BAIAP2L1: variants seen among roughly 807,000 people sequenced by gnomAD.
BAIAP2L1 encodes the protein BAR/IMD domain-containing adapter protein 2-like 1.
In BAIAP2L1, 35 loss-of-function variants were observed where a neutral mutation model predicts 66.3. That is an observed-to-expected ratio of 0.53 (90% CI 0.40 to 0.70). The LOEUF (loss-of-function observed/expected upper bound fraction) is 0.70. Among genes scored for constraint, BAIAP2L1 ranks in the 30% least tolerant of loss-of-function variants. The probability of loss-of-function intolerance (pLI) is 0.00; values close to 1 mark genes in which losing one functional copy is unlikely to be tolerated. For missense variants in BAIAP2L1, 622 were observed against 656.9 expected, an observed-to-expected ratio of 0.95 and a Z score of 0.58; for synonymous variants, 269 against 248.7, an observed-to-expected ratio of 1.08 and a Z score of -0.77.
chr7:98,334,121 G>T (rs1338759413), intron 3 of BAIAP2L1, among the ~76,000 whole-genome samples: 2 of 152,064 alleles, frequency 1.3e-5, no homozygotes, highest in Admixed American at 6.6e-5. Flanking sequence ...TGAGAAATTA[G>T]GCAGAAGAAT....
intron 3 of BAIAP2L1, among the ~76,000 whole-genome samples, chr7:98,351,816 C>T (rs913152401): frequency 3.9e-5 from 6 of 152,064 alleles, no homozygotes; most frequent in African/African-American, 1.4e-4. Flanking sequence ...GTGAGTGAGC[C>T]GATGCCAGGA....
At chr7:98,326,826 G>A (rs1404553364) in intron 3 of BAIAP2L1, among the ~76,000 whole-genome samples, 2 of 151,948 alleles carry the variant, frequency 1.3e-5, no homozygotes, top group South Asian at 2.1e-4. Context: ...AGAGAGGTTT[G>A]TATGGTCTGA....
intron 3 of BAIAP2L1, among the ~76,000 whole-genome samples, chr7:98,348,902 G>A (rs190587367): frequency 2.2e-4 from 34 of 152,360 alleles, no homozygotes; most frequent in Admixed American, 4.6e-4. Context: ...GCATCTCTTA[G>A]GTGCCAGGTG....
chr7:98,385,579 T>A (rs1027544313), intron 1 of BAIAP2L1, among the ~76,000 whole-genome samples: 1 of 151,622 alleles, frequency 6.6e-6, no homozygotes, highest in Non-Finnish European at 1.5e-5. Context: ...GCCCAGTTAA[T>A]TTTTTTGTTT....
At chr7:98,376,908 A>G (rs1296624286) in intron 1 of BAIAP2L1, among the ~76,000 whole-genome samples, 3 of 151,742 alleles carry the variant, frequency 2.0e-5, no homozygotes, top group Admixed American at 6.6e-5. Flanking sequence ...TATTTTGTAG[A>G]TATGGTCAAC....
At chr7:98,385,740 G>GT (rs199820184) in intron 1 of BAIAP2L1, 28,529 of 837,330 alleles carry the variant, frequency 0.034, 201 homozygotes, top group African/African-American at 0.11. Flanking sequence ...TTTTTTTGTT[G>GT]TTTTTTTTTT....
chr7:98,300,855 C>T (rs948360292), intron 12 of BAIAP2L1, among the ~76,000 whole-genome samples: 1 of 152,172 alleles, frequency 6.6e-6, no homozygotes, highest in African/African-American at 2.4e-5. Flanking sequence ...CCCAAGTCAC[C>T]GCAACGCCCA....
chr7:98,310,319 G>GT, intron 9 of BAIAP2L1, 126 bp downstream of exon 9: 4 of 1,043,004 alleles, frequency 3.8e-6, no homozygotes, highest in South Asian at 1.6e-5. Flanking sequence ...AGGGCTGAAT[G>GT]TATCTACCAT....
At chr7:98,367,559 G>A (rs1158788842) in intron 1 of BAIAP2L1, among the ~76,000 whole-genome samples, 7 of 126,444 alleles carry the variant, frequency 5.5e-5, no homozygotes, top group Non-Finnish European at 1.2e-4. Context: ...TTTGTGAGAC[G>A]GAGTCTCGCT....
At chr7:98,346,237 G>A (rs1430627486) in intron 3 of BAIAP2L1, among the ~76,000 whole-genome samples, 1 of 152,098 alleles carries the variant, frequency 6.6e-6, no homozygotes, top group Admixed American at 6.6e-5. Context: ...CAATTCAATG[G>A]AACCAGCAGT....
rs750620857 is a variant in BAIAP2L1 at position 98,293,239 on chromosome 7, A to G, written c.*282T>C. ...TAAGGAAAAAATTCATTTAAAAAAT[A>G]CAGTAAAGATTGAAACCAAGTTTAC... On this transcript the variant is annotated 3_prime_UTR_variant, in exon 14 of 14. Transcript: ENST00000005260. 5.6e-6 allele frequency: 2 copies of G among 357,708 alleles called. No homozygotes were observed. Among genetic ancestry groups the G allele is most frequent in the Non-Finnish European group, 1.0e-5 (2 of 198,250 alleles). The allele number at this position is 357,708 out of a possible 1,614,324, so 22.2% of individuals were successfully genotyped here.
chr7:98,307,777 G>A lies in BAIAP2L1; in HGVS notation c.1075C>T (p.Leu359Phe), dbSNP rs1800715944. ...PHTAGSNKTLLSFAQGDVITL... is the reference protein window; with the variant it reads ...PHTAGSNKTLFSFAQGDVITL... ...ATGACATCTCCCTGTGCAAAGCTGA[G>A]TAAGGTCTTGTTGGAGCCCGCAGTG... Residue 359 changes from leucine to phenylalanine, a missense_variant, in exon 10 of 14, where the codon CTC becomes TTC. Coordinates refer to ENST00000005260, the MANE Select transcript of BAIAP2L1 (RefSeq NM_018842.5). 6.2e-7 allele frequency: 1 copy of A among 1,614,260 alleles called. No individual in the cohort carries two copies. Among genetic ancestry groups the A allele is most frequent in the Non-Finnish European group, 8.5e-7 (1 of 1,180,046 alleles).
At chr7:98,392,016 A>G (rs1803056933) in intron 1 of BAIAP2L1, among the ~76,000 whole-genome samples, 1 of 152,020 alleles carries the variant, frequency 6.6e-6, no homozygotes, top group South Asian at 2.1e-4. Flanking sequence ...TCTATGTGTT[A>G]TTAAAAAGGA....
intron 1 of BAIAP2L1, among the ~76,000 whole-genome samples, chr7:98,396,661 G>A (rs750483995): frequency 4.6e-5 from 7 of 152,104 alleles, no homozygotes; most frequent in Non-Finnish European, 1.0e-4. Context: ...CAGGCGTGGC[G>A]GCTGTAGTCC....
At chr7:98,343,871 G>C (rs1029290078) in intron 3 of BAIAP2L1, among the ~76,000 whole-genome samples, 2 of 152,160 alleles carry the variant, frequency 1.3e-5, no homozygotes, top group Non-Finnish European at 2.9e-5. Flanking sequence ...GAACAAATGG[G>C]CACAGCTGTG....
intron 3 of BAIAP2L1, among the ~76,000 whole-genome samples, chr7:98,326,497 T>C (rs1446792038): frequency 1.3e-5 from 2 of 152,168 alleles, no homozygotes; most frequent in Admixed American, 6.5e-5. Flanking sequence ...CTAGCGGGTA[T>C]GCCACAAGAG....
chr7:98,304,235 G>A lies in BAIAP2L1; in HGVS notation c.1383C>T (p.Thr461=), dbSNP rs1800543028. 1 of 1,612,566 alleles carries A rather than the reference G, an allele frequency of 6.2e-7. No individual in the cohort carries two copies. Among genetic ancestry groups the A allele is most frequent in the East Asian group, 2.2e-5 (1 of 44,808 alleles). ...RRADSARTTS[T]FKAPASKPET... Reference sequence around the variant, plus strand: ...CGGGCTTGGACGCTGGGGCCTTAAAGGTGGATGTCGTCCTGGCCGAATCTG... The same window carrying A: ...CGGGCTTGGACGCTGGGGCCTTAAAAGTGGATGTCGTCCTGGCCGAATCTG... The change falls in exon 12 of 14, where the codon ACC becomes ACT. Residue 461 remains threonine (T), a synonymous_variant. Coordinates refer to ENST00000005260, the MANE Select transcript of BAIAP2L1 (RefSeq NM_018842.5).
At chr7:98,310,796 T>C (rs1176689448) in intron 8 of BAIAP2L1, among the ~76,000 whole-genome samples, 1 of 152,110 alleles carries the variant, frequency 6.6e-6, no homozygotes, top group Non-Finnish European at 1.5e-5. Context: ...AAGTGATTCT[T>C]GTGCCTCAGC....
Position 98,312,159 on chromosome 7 carries a change from G to A in BAIAP2L1, c.745C>T (p.Pro249Ser). ...IMNMIEEIKT[P>S]ASTPVSGTPQ... The stretch of plus-strand genomic sequence containing the variant: ...GTTCCAGACACGGGGGTAGAGGCTG[G>A]GGTCTTTATTTCTTCGATCATATTC... The change falls in exon 8 of 14, where the codon CCA becomes TCA. Residue 249 changes from proline to serine, a missense_variant. By Grantham distance (74) the Pro-to-Ser change is moderately conservative. Transcript: ENST00000005260. 3.1e-6 allele frequency: 5 copies of A among 1,613,958 alleles called. No homozygotes were observed. Among genetic ancestry groups the A allele is most frequent in the Non-Finnish European group, 4.2e-6 (5 of 1,179,986 alleles).
Sources: allele counts gnomAD v4.1 joint callset (sites outside exome capture counted in the v4.1 genomes callset), GRCh38; gene constraint gnomAD v4.1.1; transcripts MANE v1.5; gene names NCBI Gene and HGNC (gene_info 2026-07-23, HGNC 2026-07-21).